Variants in RUNX1 observed in about 807,000 individuals in gnomAD.
RUNX1 encodes runt-related transcription factor 1.
In RUNX1, 19 loss-of-function variants were observed where a neutral mutation model predicts 42.8. That is an observed-to-expected ratio of 0.44 (90% CI 0.31 to 0.65). The LOEUF is 0.65. Ranked by LOEUF, RUNX1 falls within the 30% of genes least tolerant of loss-of-function variation. The probability of loss-of-function intolerance (pLI) is 0.07; values close to 1 mark genes in which losing one functional copy is unlikely to be tolerated. For synonymous variants in RUNX1, 271 were observed against 289.4 expected, an observed-to-expected ratio of 0.94 and a Z score of 0.64; for missense variants, 528 against 672.0, an observed-to-expected ratio of 0.79 and a Z score of 2.37.
chr21:34,863,858 G>A (rs1441275103), intron 5 of RUNX1, among the ~76,000 whole-genome samples: 2 of 151,714 alleles, frequency 1.3e-5, no homozygotes, highest in African/African-American at 4.8e-5. Flanking sequence ...CATTTCCACC[G>A]AGCACACACT....
At chr21:34,845,136 T>C (rs2057297837) in intron 6 of RUNX1, among the ~76,000 whole-genome samples, 1 of 152,216 alleles carries the variant, frequency 6.6e-6, no homozygotes, top group Admixed American at 6.5e-5. Flanking sequence ...AATGGGCAAG[T>C]GGCTGTTTGC....
At chr21:35,026,191 C>A (rs1352664790) in intron 2 of RUNX1, among the ~76,000 whole-genome samples, 2 of 152,176 alleles carry the variant, frequency 1.3e-5, no homozygotes, top group Non-Finnish European at 2.9e-5. Context: ...TTTTTCAGCT[C>A]CTGTAAAACT....
chr21:34,966,777 G>C (rs1263711051), intron 2 of RUNX1, among the ~76,000 whole-genome samples: 3 of 152,126 alleles, frequency 2.0e-5, no homozygotes, highest in African/African-American at 7.2e-5. Flanking sequence ...TAAAAGAATT[G>C]TAGTAATGTT....
intron 2 of RUNX1, among the ~76,000 whole-genome samples, chr21:34,957,510 T>C (rs1569124286): frequency 6.6e-6 from 1 of 152,164 alleles, no homozygotes; most frequent in African/African-American, 2.4e-5. Flanking sequence ...GGGGTGCCTG[T>C]GTACCTCTCC....
chr21:35,019,688 T>C (rs1224610612), intron 2 of RUNX1, among the ~76,000 whole-genome samples: 1 of 152,100 alleles, frequency 6.6e-6, no homozygotes, highest in African/African-American at 2.4e-5. Context: ...ATAAGACCTA[T>C]GCAAACAACC....
intron 7 of RUNX1, 49 bp from the exon 8 acceptor site, chr21:34,799,511 A>T (rs769696136): frequency 2.1e-5 from 33 of 1,547,532 alleles, no homozygotes; most frequent in Admixed American, 6.7e-5. Context: ...GGTGGGATTT[A>T]AAAAATGTCT....
intron 2 of RUNX1, among the ~76,000 whole-genome samples, chr21:35,031,182 C>T (rs929422314): frequency 6.6e-6 from 1 of 152,170 alleles, no homozygotes; most frequent in Non-Finnish European, 1.5e-5. Flanking sequence ...GACCCTGTCT[C>T]TACTAAAAAT....
intron 2 of RUNX1, among the ~76,000 whole-genome samples, chr21:34,986,436 G>T (rs2058888398): frequency 6.6e-6 from 1 of 151,346 alleles, no homozygotes; most frequent in Non-Finnish European, 1.5e-5. Flanking sequence ...GGAGATATGT[G>T]GCATTTAGCA....
At chr21:34,896,957 G>A (rs2058135881) in intron 2 of RUNX1, among the ~76,000 whole-genome samples, 1 of 152,184 alleles carries the variant, frequency 6.6e-6, no homozygotes, top group Non-Finnish European at 1.5e-5. Flanking sequence ...AGCAGGAGGA[G>A]AGAAAGACCA....
chr21:34,944,233 C>T (rs1002313471), intron 2 of RUNX1, among the ~76,000 whole-genome samples: 2 of 152,190 alleles, frequency 1.3e-5, no homozygotes, highest in African/African-American at 4.8e-5. Flanking sequence ...TTGTCTCGAA[C>T]TCCTGGACTC....
At chr21:34,965,434 C>T (rs985232095) in intron 2 of RUNX1, among the ~76,000 whole-genome samples, 12 of 151,912 alleles carry the variant, frequency 7.9e-5, no homozygotes, top group African/African-American at 2.4e-4. Flanking sequence ...CAGATACTTC[C>T]GTTTTTACAT....
chr21:34,995,958 TTA>T (rs2058992179), intron 2 of RUNX1, among the ~76,000 whole-genome samples: 1 of 152,242 alleles, frequency 6.6e-6, no homozygotes, highest in African/African-American at 2.4e-5. Flanking sequence ...CCATCATTTT[TTA>T]TCTTTTAGAA....
chr21:34,855,217 C>T (rs550621919), intron 6 of RUNX1, among the ~76,000 whole-genome samples: 13 of 152,272 alleles, frequency 8.5e-5, no homozygotes, highest in African/African-American at 3.1e-4. Context: ...GCTCACTCTC[C>T]TCAACCTCTC....
intron 5 of RUNX1, among the ~76,000 whole-genome samples, chr21:34,863,995 G>A (rs2057618879): frequency 6.6e-6 from 1 of 152,208 alleles, no homozygotes; most frequent in Admixed American, 6.5e-5. Context: ...ACAGGTGTAG[G>A]TGACATTTTT....
At chr21:34,820,107 G>A (rs1311301107) in intron 7 of RUNX1, among the ~76,000 whole-genome samples, 1 of 152,236 alleles carries the variant, frequency 6.6e-6, no homozygotes, top group Non-Finnish European at 1.5e-5. Context: ...TGCTACCCAC[G>A]TGGGCTTTGT....
At chr21:35,018,188 G>C (rs965058863) in intron 2 of RUNX1, among the ~76,000 whole-genome samples, 1 of 152,118 alleles carries the variant, frequency 6.6e-6, no homozygotes, top group Admixed American at 6.5e-5. Context: ...ACCATGTCCA[G>C]ATAATTTTTG....
intron 2 of RUNX1, among the ~76,000 whole-genome samples, chr21:34,898,091 C>A (rs1414838071): frequency 6.6e-6 from 1 of 152,118 alleles, no homozygotes; most frequent in Non-Finnish European, 1.5e-5. Flanking sequence ...AGGGTGACCC[C>A]TGATTGACAG....
chr21:34,879,297 A>T (rs1347710424), intron 5 of RUNX1, among the ~76,000 whole-genome samples: 1 of 152,220 alleles, frequency 6.6e-6, no homozygotes. Flanking sequence ...TTTTCTTTGC[A>T]TTACCCTATT....
At chr21:34,854,094 G>A (rs1355177683) in intron 6 of RUNX1, among the ~76,000 whole-genome samples, 1 of 152,154 alleles carries the variant, frequency 6.6e-6, no homozygotes, top group Non-Finnish European at 1.5e-5. Context: ...GATTACAGGC[G>A]GGAGCCACTG....
Sources: gnomAD v4.1 joint callset for allele counts (sites outside exome capture counted in the v4.1 genomes callset) on GRCh38, gnomAD v4.1.1 for gene constraint, MANE v1.5 for transcripts, NCBI Gene and HGNC (gene_info 2026-07-23, HGNC 2026-07-21) for gene names.